Variants in GLT1D1 observed in about 807,000 individuals in gnomAD.
The protein encoded by GLT1D1 is glycosyltransferase 1 domain-containing protein 1.
A neutral mutation model predicts 28.7 loss-of-function variants in GLT1D1; 21 were observed. The ratio of observed to expected loss-of-function variants is 0.73; its 90% CI spans 0.52 to 1.05. The LOEUF (loss-of-function observed/expected upper bound fraction) is 1.05. Among genes scored for constraint, GLT1D1 ranks in the 50% least tolerant of loss-of-function variants. The pLI, the probability that GLT1D1 is intolerant of heterozygous loss-of-function variation, is 0.00. For missense variants in GLT1D1, 343 were observed against 330.6 expected (o/e 1.04, Z -0.29); for synonymous variants, 147 against 124.8 (o/e 1.18, Z -1.19).
intron 3 of GLT1D1, among the ~76,000 whole-genome samples, chr12:128,892,733 T>C (rs1485872737): frequency 6.6e-6 from 1 of 152,136 alleles, no homozygotes; most frequent in Non-Finnish European, 1.5e-5. Context: ...AATAGTTATA[T>C]TTTTCCTATA....
rs554399598 is a variant in GLT1D1, at chr12:128,924,029, C to T, written c.376-21297C>T. Among the ~76,000 whole-genome samples, 9 of 152,170 alleles carry T rather than the reference C, an allele frequency of 5.9e-5. No individual in the cohort carries two copies. In the South Asian group the frequency reaches 1.7e-3, roughly 28 times the overall value. ...CTGCGAGGGCTGCTTCATGTGTGTC[C>T]GCTGGGCTCACTTGGACACTTACAG... On this transcript the variant is annotated intron_variant, in intron 4 of 7. Coordinates refer to ENST00000281703, the MANE Select transcript of GLT1D1 (RefSeq NM_144669.3).
intron 7 of GLT1D1, among the ~76,000 whole-genome samples, chr12:128,961,811 C>G (rs976228177): frequency 6.6e-6 from 1 of 152,206 alleles, no homozygotes; most frequent in Admixed American, 6.5e-5. Flanking sequence ...GCGTCACCAG[C>G]TATCTGGACA....
chr12:128,896,478 C>A (rs1434510215), intron 3 of GLT1D1, among the ~76,000 whole-genome samples: 1 of 149,500 alleles, frequency 6.7e-6, no homozygotes, highest in East Asian at 2.0e-4. Flanking sequence ...CCATGACTAG[C>A]TTTTTGGTAG....
chr12:128,908,373 C>CT lies in GLT1D1; in HGVS notation c.375+9090dup, dbSNP rs55744250. 3.8e-5 allele frequency among the ~76,000 whole-genome samples: 5 copies of CT among 132,872 alleles called. No individual in the cohort carries two copies. The East Asian group carries it at 6.7e-4, about 18-fold the overall frequency. The allele number at this position is 132,872 out of a possible 152,430, so 87.2% of individuals were successfully genotyped here. A position where few individuals can be genotyped will look rare whatever the true frequency, so the allele number is the denominator to read the frequency against. On this transcript the variant is annotated intron_variant, in intron 4 of 7. Coordinates refer to ENST00000281703, the MANE Select transcript of GLT1D1 (RefSeq NM_144669.3). ...CTTTCTTTCTTTCTTTTCTTTCTTT[C>CT]TTTTCTTTCTCTTTCTTTCTCTCTC...
intron 7 of GLT1D1, among the ~76,000 whole-genome samples, chr12:128,969,652 C>T (rs1878839867): frequency 6.6e-6 from 1 of 152,232 alleles, no homozygotes; most frequent in African/African-American, 2.4e-5. Context: ...TCCTGGCCGC[C>T]TCACTCCTGA....
At chr12:128,885,348 G>C (rs970615227) in intron 2 of GLT1D1, among the ~76,000 whole-genome samples, 1 of 152,022 alleles carries the variant, frequency 6.6e-6, no homozygotes, top group Non-Finnish European at 1.5e-5. Flanking sequence ...TCAGCCTCCC[G>C]AGTAGCTGGG....
intron 1 of GLT1D1, among the ~76,000 whole-genome samples, chr12:128,871,447 T>C (rs960758251): frequency 1.3e-5 from 2 of 152,190 alleles, no homozygotes; most frequent in Admixed American, 6.5e-5. Flanking sequence ...AGATACACGA[T>C]GCACTTCAGT....
intron 6 of GLT1D1, among the ~76,000 whole-genome samples, chr12:128,955,685 C>T (rs182196049): frequency 5.3e-5 from 8 of 152,214 alleles, no homozygotes; most frequent in Admixed American, 2.0e-4. Flanking sequence ...ATTTGGCTGA[C>T]GCATTCCTCA....
At position 128,945,506 on chromosome 12, in the gene GLT1D1, G is replaced by A. The variant is rs769735665; in HGVS notation, c.419+137G>A. 188 of 762,852 alleles carry A rather than the reference G, an allele frequency of 2.5e-4. 4 individuals are homozygous for A. The highest frequency in any genetic ancestry group is 1.0e-3 in the Admixed American group (53 of 50,978). The allele number at this position is 762,852 out of a possible 1,614,324, so 47.3% of individuals were successfully genotyped here. A position where few individuals can be genotyped will look rare whatever the true frequency, so the allele number is the denominator to read the frequency against. On this transcript the variant is annotated intron_variant, in intron 5 of 7. Coordinates refer to ENST00000281703, the MANE Select transcript of GLT1D1 (RefSeq NM_144669.3). ...CTGTTTCCTCATGCATCTTCCCGGCGAGCCCGTGGCATCCTAGGCACTATT... is the reference window on the plus strand; with the variant it reads ...CTGTTTCCTCATGCATCTTCCCGGCAAGCCCGTGGCATCCTAGGCACTATT...
intron 3 of GLT1D1, among the ~76,000 whole-genome samples, chr12:128,898,336 C>T (rs1453430240): frequency 1.3e-5 from 2 of 152,088 alleles, no homozygotes; most frequent in Non-Finnish European, 2.9e-5. Flanking sequence ...CTATGCCCAG[C>T]TGATTACAAA....
Position 128,874,116 on chromosome 12 carries a change from CTCTCTCTCTCTTTCTTTCTTTCTTTCTT to C in GLT1D1, c.69-1794_69-1767del, listed in dbSNP as rs1566091320. On this transcript the variant is annotated intron_variant, in intron 1 of 7. Transcript: ENST00000281703. Reference sequence around the variant, plus strand: ...TCTTTCTTTCTCTCTCTCTCTCTCTCTCTCTCTCTCTTTCTTTCTTTCTTTCTTTCTTTCTTTCTTTCTTTCTTTCTTT... The same window carrying C: ...TCTTTCTTTCTCTCTCTCTCTCTCTCTCTTTCTTTCTTTCTTTCTTTCTTT... Among the ~76,000 whole-genome samples, 155 of 59,518 alleles carry C rather than the reference CTCTCTCTCTCTTTCTTTCTTTCTTTCTT, an allele frequency of 2.6e-3. 1 individual carries two copies. Among genetic ancestry groups the C allele is most frequent in the East Asian group, 0.022 (44 of 2,000 alleles). 39.0% of individuals were successfully genotyped at this position (59,518 alleles called of 152,430 possible).
In GLT1D1 at chr12:128,927,429, A is replaced by G. The variant is rs980146907; in HGVS notation, c.376-17897A>G. On this transcript the variant is annotated intron_variant, in intron 4 of 7. Transcript: ENST00000281703. ...AACTTTTTGTATTTTTAGTAGAGACAGGGTTTCACCGTGTTAGCCAGGATG... is the reference window on the plus strand; with the variant it reads ...AACTTTTTGTATTTTTAGTAGAGACGGGGTTTCACCGTGTTAGCCAGGATG... 3.9e-5 allele frequency among the ~76,000 whole-genome samples: 6 copies of G among 151,990 alleles called. No individual in the cohort carries two copies. The South Asian group carries it at 1.3e-3, about 32-fold the overall frequency.
chr12:128,955,665 A>T (rs1877202641), intron 6 of GLT1D1, among the ~76,000 whole-genome samples: 1 of 152,106 alleles, frequency 6.6e-6, no homozygotes. Flanking sequence ...CCTTGAGAAC[A>T]TACTGATAGA....
chr12:128,896,159 C>CT (rs1465711649), intron 3 of GLT1D1, among the ~76,000 whole-genome samples: 1 of 151,698 alleles, frequency 6.6e-6, no homozygotes, highest in Non-Finnish European at 1.5e-5. Flanking sequence ...AACACCAGGG[C>CT]TTTTTTTGTC....
intron 5 of GLT1D1, 71 bp from the exon 10 acceptor site, chr12:128,947,267 C>T: frequency 6.3e-7 from 1 of 1,590,618 alleles, no homozygotes; most frequent in Non-Finnish European, 8.6e-7. Flanking sequence ...AAATTGTCAT[C>T]TCTCCTCCTC....
intron 1 of GLT1D1, among the ~76,000 whole-genome samples, chr12:128,873,911 CTCTCTTTCTTTT>C (rs1956764264): frequency 3.3e-5 from 4 of 119,428 alleles, no homozygotes; most frequent in South Asian, 6.9e-4. Flanking sequence ...CTCTTTCTTT[CTCTCTTTCTTTT>C]TCTTTCTTTC....
At position 128,885,116 on chromosome 12, in the gene GLT1D1, C is replaced by CAT. The variant is rs141369355; in HGVS notation, c.218-3513_218-3512dup. 9.5e-3 allele frequency among the ~76,000 whole-genome samples: 1,434 copies of CAT among 151,444 alleles called. 20 individuals carry two copies. Among genetic ancestry groups the CAT allele is most frequent in the African/African-American group, 0.033 (1,354 of 41,256 alleles). ...TATTTTAAAACATCATGTTGTACAC[C>CAT]ATATATATATACAATAATAAAAAGA... On this transcript the variant is annotated intron_variant, in intron 2 of 7. Transcript: ENST00000281703.
At chr12:128,982,784 C>T (rs1369870419) in intron 7 of GLT1D1, 145 bp from the exon 12 acceptor site, 8 of 644,128 alleles carry the variant, frequency 1.2e-5, no homozygotes, top group Non-Finnish European at 1.9e-5. Context: ...CATTAACTCC[C>T]ATCCCTCCTA....
chr12:128,874,124 C>CTCTTTCTTTCTT lies in GLT1D1; in HGVS notation c.69-1748_69-1737dup, dbSNP rs756979442. On this transcript the variant is annotated intron_variant, in intron 1 of 7. Coordinates refer to ENST00000281703, the MANE Select transcript of GLT1D1 (RefSeq NM_144669.3). The stretch of plus-strand genomic sequence containing the variant: ...TCTCTCTCTCTCTCTCTCTCTCTCT[C>CTCTTTCTTTCTT]TCTTTCTTTCTTTCTTTCTTTCTTT... 3.1e-4 allele frequency among the ~76,000 whole-genome samples: 12 copies of CTCTTTCTTTCTT among 39,278 alleles called. No homozygotes were observed. The East Asian group carries it at 3.1e-3, about 10-fold the overall frequency. 25.8% of individuals were successfully genotyped at this position (39,278 alleles called of 152,430 possible).
Sources: gnomAD v4.1 joint callset for allele counts (sites outside exome capture counted in the v4.1 genomes callset) on GRCh38, gnomAD v4.1.1 for gene constraint, MANE v1.5 for transcripts, NCBI Gene and HGNC (gene_info 2026-07-23, HGNC 2026-07-21) for gene names.